USP36: variants seen among roughly 807,000 people sequenced by gnomAD.
USP36 encodes ubiquitin carboxyl-terminal hydrolase 36.
In USP36, 59 loss-of-function variants were observed where a neutral mutation model predicts 111.5. The observed-to-expected ratio is 0.53, with a 90% CI of 0.43 to 0.66. USP36 has a LOEUF of 0.66. USP36 is among the 30% of genes least tolerant of loss of function. USP36 has a pLI of 0.00. For missense variants in USP36, 1,488 were observed against 1,468.0 expected (o/e 1.01, Z -0.22); for synonymous variants, 628 against 581.0 (o/e 1.08, Z -1.16).
rs372368137 is a variant in USP36, at chr17:78,806,944, C to T, written c.2085+15G>A. On this transcript the variant is annotated intron_variant, in intron 14 of 20. Coordinates refer to ENST00000449938, the MANE Select transcript of USP36 (RefSeq NM_001385174.1). ...CTCCTGATACACAGCAGCGGCGAGA[C>T]CCCCACACACCCACCTTCTTGGCAG... is the stretch of plus-strand genomic sequence containing the variant. 2.5e-6 allele frequency: 4 copies of T among 1,612,476 alleles called. No homozygotes were observed. Among genetic ancestry groups the T allele is most frequent in the South Asian group, 2.2e-5 (2 of 90,974 alleles).
chr17:78,822,134 G>A (rs548615446), intron 6 of USP36, 130 bp from the exon 7 acceptor site: 30 of 1,003,254 alleles, frequency 3.0e-5, no homozygotes, highest in South Asian at 2.8e-4. Flanking sequence ...CCCCCCACCC[G>A]AGTCACCACA....
intron 3 of USP36, among the ~76,000 whole-genome samples, chr17:78,788,403 T>C (rs2093553837): frequency 6.6e-6 from 1 of 152,194 alleles, no homozygotes; most frequent in South Asian, 2.1e-4. Context: ...GACCTCGTGA[T>C]CTGCCTGCCT....
chr17:78,809,909 C>G (rs1189430221), intron 13 of USP36, among the ~76,000 whole-genome samples: 1 of 151,620 alleles, frequency 6.6e-6, no homozygotes, highest in East Asian at 2.0e-4. Context: ...TGCAGTGGCA[C>G]AATCTCAGCT....
At chr17:78,836,696 T>C (rs1276854826) in intron 2 of USP36, among the ~76,000 whole-genome samples, 3 of 152,136 alleles carry the variant, frequency 2.0e-5, no homozygotes, top group Non-Finnish European at 4.4e-5. Flanking sequence ...CTGGACATCA[T>C]TCTTGGTGCC....
Position 78,812,916 on chromosome 17 carries a change from C to A in USP36, c.1351G>T (p.Asp451Tyr), listed in dbSNP as rs1162701065. The change falls in exon 13 of 21, where the codon GAT becomes TAT. Residue 451 changes from aspartate to tyrosine, a missense_variant. Around this residue, in one of 3 missense-constraint regions of USP36, gnomAD observed 1,073 missense variants for 994.1 expected, o/e 1.08. Transcript: ENST00000449938. ...TTGCCGATGTTCTTCTTGGAGTGATCTGGAATCACACTCGGGCGGCCGGGA... is the reference window on the plus strand; with the variant it reads ...TTGCCGATGTTCTTCTTGGAGTGATATGGAATCACACTCGGGCGGCCGGGA... ...SLPGRPSVIPDHSKKNIGNGI... is the reference protein window; with the variant it reads ...SLPGRPSVIPYHSKKNIGNGI... 4 of 1,613,934 alleles carry A rather than the reference C, an allele frequency of 2.5e-6. No individual in the cohort carries two copies. In the East Asian group the frequency reaches 6.7e-5, roughly 27 times the overall value.
intron 7 of USP36, 124 bp downstream of exon 7, chr17:78,821,813 C>T: frequency 9.0e-7 from 1 of 1,112,806 alleles, no homozygotes; most frequent in Non-Finnish European, 1.3e-6. Flanking sequence ...GGCTCAAGAC[C>T]TCAGAGACTG....
In USP36 at chr17:78,835,298, T is replaced by C; in HGVS notation, c.457A>G (p.Lys153Glu). Residue 153 changes from lysine (K) to glutamate (E), a missense_variant, in exon 4 of 21, where the codon AAG (lysine) becomes GAG (glutamate). Physicochemically the swap from Lys to Glu is moderately conservative, Grantham distance 56. Transcript: ENST00000449938. ...CACTCACAGCTGCGAGCATGCTCCT[T>C]GGAGAGCAGGTAGTTGGCTAGAGGT... Reference protein sequence around the residue: ...TPPLANYLLSKEHARSCHQGS... With the variant: ...TPPLANYLLSEEHARSCHQGS... The C allele has an allele frequency of 6.2e-7, 1 of 1,614,176 alleles. No individual in the cohort carries two copies. Among genetic ancestry groups the C allele is most frequent in the Non-Finnish European group, 8.5e-7 (1 of 1,180,040 alleles).
chr17:78,794,792 G>A (rs2093609347), downstream of USP36, among the ~76,000 whole-genome samples: 1 of 152,080 alleles, frequency 6.6e-6, no homozygotes, highest in South Asian at 2.1e-4. Flanking sequence ...CGGATCACAA[G>A]GTCAGGAGTT....
rs2069222298 is a variant in USP36, at chr17:78,840,750, G to C, written c.-188C>G. On this transcript the variant is annotated 5_prime_UTR_variant, in exon 1 of 21. Coordinates refer to ENST00000449938, the MANE Select transcript of USP36 (RefSeq NM_001385174.1). ...CCCCAGCCTACCCCGGCCTCTCCGCGGGCGCGCCACAAGCCTACGCAGCCC... is the reference window on the plus strand; with the variant it reads ...CCCCAGCCTACCCCGGCCTCTCCGCCGGCGCGCCACAAGCCTACGCAGCCC... 1 of 152,436 alleles carries C rather than the reference G, an allele frequency of 6.6e-6. No homozygotes were observed. Among genetic ancestry groups the C allele is most frequent in the Non-Finnish European group, 1.5e-5 (1 of 68,344 alleles). 9.4% of individuals were successfully genotyped at this position (152,436 alleles called of 1,614,324 possible).
At chr17:78,821,905 C>T (rs770033033) in intron 7 of USP36, 32 bp downstream of exon 7, 76 of 1,611,604 alleles carry the variant, frequency 4.7e-5, no homozygotes, top group Non-Finnish European at 6.4e-5. Flanking sequence ...CTAATCCTGG[C>T]AAGAAGCAGT....
In USP36 at chr17:78,805,741, C is replaced by T. The variant is rs141534176; in HGVS notation, c.2216+415G>A. Among the ~76,000 whole-genome samples, 5 of 152,332 alleles carry T rather than the reference C, an allele frequency of 3.3e-5. No individual in the cohort carries two copies. The East Asian group carries it at 5.8e-4, about 18-fold the overall frequency. On this transcript the variant is annotated intron_variant, in intron 15 of 20. Transcript: ENST00000449938. ...ACCTGCATGACGCTAGCAGGCAAGA[C>T]GTCCCACAAAAAACGCTCGGGACTC...
downstream of USP36, among the ~76,000 whole-genome samples, chr17:78,793,643 C>T (rs1334850133): frequency 1.3e-5 from 2 of 152,292 alleles, no homozygotes; most frequent in African/African-American, 2.4e-5. Context: ...TTTACCACCA[C>T]GTCCTTGGCG....
At chr17:78,806,007 G>T in intron 15 of USP36, 149 bp downstream of exon 15, 2 of 1,341,718 alleles carry the variant, frequency 1.5e-6, no homozygotes, top group Non-Finnish European at 2.0e-6. Context: ...GGGGGATCTT[G>T]GTCAGTGACG....
In USP36 at chr17:78,807,279, C is replaced by G. The variant is rs1179485349; in HGVS notation, c.1765G>C (p.Ala589Pro). 6.2e-7 allele frequency: 1 copy of G among 1,614,158 alleles called. No individual in the cohort carries two copies. The highest frequency in any genetic ancestry group is 2.2e-5 in the East Asian group (1 of 44,886). Reference protein sequence around the residue: ...LSTSPKLLATATANGHGLKGN... With the variant: ...LSTSPKLLATPTANGHGLKGN... ...TTCAGCCCATGCCCGTTGGCAGTGG[C>G]TGTAGCCAGGAGCTTAGGTGAGGTA... is the stretch of plus-strand genomic sequence containing the variant. Residue 589 changes from alanine (A) to proline (P), a missense_variant, in exon 14 of 21, where the codon GCC becomes CCC. Transcript: ENST00000449938.
chr17:78,801,544 T>C (rs1337052904), intron 17 of USP36, among the ~76,000 whole-genome samples: 1 of 152,200 alleles, frequency 6.6e-6, no homozygotes, highest in Non-Finnish European at 1.5e-5. Context: ...TTAACAAATG[T>C]GTTCTGTGGC....
At chr17:78,835,544 G>A (rs760172673) in intron 3 of USP36, 43 bp from the exon 4 acceptor site, 2 of 1,548,064 alleles carry the variant, frequency 1.3e-6, no homozygotes, top group East Asian at 4.9e-5. Flanking sequence ...GAAGACGTAA[G>A]TCCACACACA....
chr17:78,833,308 A>T (rs1219424589), intron 4 of USP36, among the ~76,000 whole-genome samples: 1 of 151,914 alleles, frequency 6.6e-6, no homozygotes, highest in Non-Finnish European at 1.5e-5. Context: ...TTGAGACGGA[A>T]TCTTGTTCTG....
intron 13 of USP36, among the ~76,000 whole-genome samples, 178 bp downstream of exon 13, chr17:78,812,682 G>A (rs1271476894): frequency 2.8e-5 from 4 of 141,080 alleles, no homozygotes; most frequent in Non-Finnish European, 6.0e-5. Flanking sequence ...GGATGACAGA[G>A]CGAGACTCTG....
chr17:78,833,282 T>C (rs919484288), intron 4 of USP36, among the ~76,000 whole-genome samples: 1 of 152,070 alleles, frequency 6.6e-6, no homozygotes, highest in Non-Finnish European at 1.5e-5. Context: ...TCTTGTGTTC[T>C]TTTTTTTATG....
Sources: gnomAD v4.1 joint callset for allele counts (sites outside exome capture counted in the v4.1 genomes callset) on GRCh38, gnomAD v4.1.1 for gene constraint, gnomAD v4.1.1 regional missense constraint, MANE v1.5 for transcripts, NCBI Gene and HGNC (gene_info 2026-07-23, HGNC 2026-07-21) for gene names.